Variants in NCOA7 observed in about 807,000 individuals in gnomAD.
NCOA7 encodes 140 kDa estrogen receptor-associated protein.
In NCOA7, 45 loss-of-function variants were observed where a neutral mutation model predicts 104.3. That is an observed-to-expected ratio of 0.43 (90% confidence interval 0.34 to 0.55). The LOEUF (loss-of-function observed/expected upper bound fraction) is 0.55, where lower values mean the gene tolerates loss of function less well. Ranked by LOEUF, NCOA7 falls within the 20% of genes least tolerant of loss-of-function variation. The pLI is 0.02. For synonymous variants in NCOA7, 398 were observed against 402.3 expected, an observed-to-expected ratio of 0.99 and a Z score of 0.13; for missense variants, 1,041 against 1,119.7, an observed-to-expected ratio of 0.93 and a Z score of 1.00.
intron 2 of NCOA7, among the ~76,000 whole-genome samples, chr6:125,837,063 A>T (rs1329498405): frequency 6.6e-6 from 1 of 152,218 alleles, no homozygotes; most frequent in Non-Finnish European, 1.5e-5. Flanking sequence ...TTTAAATTAG[A>T]TAAATGTTGA....
At chr6:125,861,250 G>C (rs1352627951) in intron 3 of NCOA7, among the ~76,000 whole-genome samples, 1 of 152,136 alleles carries the variant, frequency 6.6e-6, no homozygotes, top group African/African-American at 2.4e-5. Flanking sequence ...CACAAAGGCA[G>C]CCCAACACTT....
intron 1 of NCOA7, among the ~76,000 whole-genome samples, chr6:125,806,982 CAGT>C (rs1167338356): frequency 6.6e-6 from 1 of 152,154 alleles, no homozygotes; most frequent in South Asian, 2.1e-4. Context: ...TGCGTTTCTA[CAGT>C]AGTCATATAA....
chr6:125,824,005 A>C (rs985464394), intron 2 of NCOA7, among the ~76,000 whole-genome samples: 1 of 152,174 alleles, frequency 6.6e-6, no homozygotes, highest in Non-Finnish European at 1.5e-5. Flanking sequence ...GCCAGCATTA[A>C]AAAAAGACCC....
upstream of NCOA7, among the ~76,000 whole-genome samples, chr6:125,787,508 C>T (rs1774528683): frequency 6.6e-6 from 1 of 152,194 alleles, no homozygotes; most frequent in African/African-American, 2.4e-5. Flanking sequence ...AGTGATCCCT[C>T]TCTTCTTCCT....
chr6:125,919,104 T>C, intron 11 of NCOA7: 1 of 659,324 alleles, frequency 1.5e-6, no homozygotes, highest in Non-Finnish European at 2.4e-6. Flanking sequence ...GTTTCAAAGG[T>C]GAAAGTGTCC....
rs141457689 is a variant in NCOA7, at chr6:125,915,629, G to GA, written c.2244+157dup. On this transcript the variant is annotated intron_variant, in intron 11 of 15. Coordinates refer to ENST00000392477, the MANE Select transcript of NCOA7 (RefSeq NM_181782.5). ...GGAAAATAACTTTATTCCTCCGTTT[G>GA]AAAAAAAACACCACCACCAGCACCA... 2.2e-3 allele frequency: 1,994 copies of GA among 912,882 alleles called. 9 individuals carry two copies. Among genetic ancestry groups the GA allele is most frequent in the Non-Finnish European group, 2.9e-3 (1,787 of 620,120 alleles). 56.5% of individuals were successfully genotyped at this position (912,882 alleles called of 1,614,324 possible). A position where few individuals can be genotyped will look rare whatever the true frequency, so the allele number is the denominator to read the frequency against.
intron 2 of NCOA7, among the ~76,000 whole-genome samples, chr6:125,820,883 T>A (rs1004011188): frequency 6.6e-6 from 1 of 152,192 alleles, no homozygotes; most frequent in Non-Finnish European, 1.5e-5. Flanking sequence ...AGTGGAGTTA[T>A]ATAGTCAAAG....
intron 10 of NCOA7, among the ~76,000 whole-genome samples, chr6:125,893,946 G>T (rs1197936210): frequency 6.6e-6 from 1 of 152,088 alleles, no homozygotes; most frequent in African/African-American, 2.4e-5. Context: ...GCAAAATCAG[G>T]TCATTCTCTT....
intron 11 of NCOA7, among the ~76,000 whole-genome samples, chr6:125,917,596 A>G (rs918546064): frequency 7.2e-5 from 11 of 152,162 alleles, no homozygotes; most frequent in Admixed American, 7.2e-4. Context: ...GACAGATCTC[A>G]ATCAATTTAG....
At chr6:125,887,364 A>G (rs1003169901) in intron 8 of NCOA7, among the ~76,000 whole-genome samples, 2 of 152,188 alleles carry the variant, frequency 1.3e-5, no homozygotes, top group Non-Finnish European at 2.9e-5. Context: ...TGACTCTAGG[A>G]TGGAAGCATT....
At chr6:125,898,796 C>T (rs139446847) in intron 10 of NCOA7, among the ~76,000 whole-genome samples, 1 of 152,144 alleles carries the variant, frequency 6.6e-6, no homozygotes, top group African/African-American at 2.4e-5. Flanking sequence ...TGGATGGGTT[C>T]ATGAATAAAT....
chr6:125,876,570 A>G (rs1783393904), intron 4 of NCOA7, among the ~76,000 whole-genome samples: 1 of 151,836 alleles, frequency 6.6e-6, no homozygotes, highest in Non-Finnish European at 1.5e-5. Flanking sequence ...GAGTTACTTC[A>G]TATAGTATAT....
At chr6:125,870,727 G>A (rs1782820528) in intron 3 of NCOA7, among the ~76,000 whole-genome samples, 1 of 152,124 alleles carries the variant, frequency 6.6e-6, no homozygotes. Flanking sequence ...TCTTCTTTCT[G>A]TAAACTTGTA....
intron 2 of NCOA7, among the ~76,000 whole-genome samples, chr6:125,829,754 A>G (rs998271912): frequency 4.4e-5 from 6 of 135,080 alleles, no homozygotes; most frequent in Admixed American, 1.5e-4. Flanking sequence ...TCCCCCTCTA[A>G]GAGTATAGAA....
rs528246663 is a variant in NCOA7 at position 125,835,667 on chromosome 6, T to C, written c.51-19353T>C. ...AGGGATTGGACCAACTTAGAGCCGG[T>C]GCTAGGTTTTGGAGTAGTGGCTGCC... is the stretch of plus-strand genomic sequence containing the variant. On this transcript the variant is annotated intron_variant, in intron 2 of 15. Transcript: ENST00000392477. 3.3e-5 allele frequency among the ~76,000 whole-genome samples: 5 copies of C among 152,298 alleles called. No homozygotes were observed. The East Asian group carries it at 9.6e-4, about 29-fold the overall frequency.
chr6:125,890,872 T>C (rs1784575907), intron 10 of NCOA7, 62 bp downstream of exon 10: 2 of 1,372,534 alleles, frequency 1.5e-6, no homozygotes, highest in African/African-American at 3.0e-5. Flanking sequence ...GTTTTGATAT[T>C]CTTTATCTTA....
chr6:125,897,498 T>C (rs1440792128), intron 10 of NCOA7, among the ~76,000 whole-genome samples: 2 of 152,240 alleles, frequency 1.3e-5, no homozygotes, highest in Non-Finnish European at 2.9e-5. Context: ...TTTTCTATTC[T>C]CTATTATTTT....
chr6:125,850,871 G>A (rs1016701822), intron 2 of NCOA7, among the ~76,000 whole-genome samples: 1 of 152,156 alleles, frequency 6.6e-6, no homozygotes, highest in Non-Finnish European at 1.5e-5. Context: ...CAAGCTCTGT[G>A]TGGTATCTAG....
At chr6:125,909,511 T>C (rs1786326626) in intron 10 of NCOA7, among the ~76,000 whole-genome samples, 1 of 152,140 alleles carries the variant, frequency 6.6e-6, no homozygotes, top group African/African-American at 2.4e-5. Context: ...TAGGGAACCA[T>C]GGGTTACCTC....
Sources: allele counts gnomAD v4.1 joint callset (sites outside exome capture counted in the v4.1 genomes callset), GRCh38; gene constraint gnomAD v4.1.1; transcripts MANE v1.5; gene names NCBI Gene and HGNC (gene_info 2026-07-23, HGNC 2026-07-21).